The following ADRA1B variants were observed in gnomAD, a reference collection of about 807,000 sequenced individuals.
The protein encoded by ADRA1B is adrenoceptor alpha 1B, also known as alpha-1B adrenergic receptor.
In ADRA1B, 17 loss-of-function variants were observed where a neutral mutation model predicts 17.9. That is an observed-to-expected ratio of 0.95 (90% CI 0.65 to 1.42). The LOEUF is 1.42. Among genes scored for constraint, ADRA1B ranks in the 40% most tolerant of loss-of-function variants. The pLI is 0.00. For missense variants in ADRA1B, 681 were observed against 722.1 expected (o/e 0.94, Z 0.65); for synonymous variants, 366 against 327.6 (o/e 1.12, Z -1.27).
intron 1 of ADRA1B, among the ~76,000 whole-genome samples, chr5:159,944,672 T>C (rs1395866729): frequency 6.6e-6 from 1 of 151,972 alleles, no homozygotes; most frequent in Non-Finnish European, 1.5e-5. Context: ...GCCTCATATA[T>C]GTTACCTCCT....
chr5:159,976,418 G>T (rs1755975000), downstream of ADRA1B, among the ~76,000 whole-genome samples: 1 of 152,092 alleles, frequency 6.6e-6, no homozygotes, highest in African/African-American at 2.4e-5. Flanking sequence ...ACTTCGGGAG[G>T]CTGGGTGGAT....
At chr5:159,987,753 T>A in the ADRA1B span, among the ~76,000 whole-genome samples, 5 of 152,168 alleles carry the variant, frequency 3.3e-5, no homozygotes, top group African/African-American at 9.7e-5. Context: ...CTATAAACAA[T>A]GTAATATTTT....
intron 1 of ADRA1B, among the ~76,000 whole-genome samples, chr5:159,923,311 A>T (rs1297989569): frequency 4.6e-5 from 7 of 152,268 alleles, no homozygotes; most frequent in Non-Finnish European, 7.3e-5. Context: ...TTTAAAAGTG[A>T]CTGCAGCCAC....
At chr5:159,929,937 G>A (rs1387848089) in intron 1 of ADRA1B, among the ~76,000 whole-genome samples, 1 of 152,130 alleles carries the variant, frequency 6.6e-6, no homozygotes, top group East Asian at 1.9e-4. Context: ...TGCAGAATGT[G>A]TGTGTTTTCA....
chr5:159,931,464 C>T (rs1754803118), intron 1 of ADRA1B, among the ~76,000 whole-genome samples: 1 of 151,730 alleles, frequency 6.6e-6, no homozygotes. Flanking sequence ...CTCATTCCCC[C>T]AGTTCAAAAT....
At chr5:159,881,735 T>C (rs1228740472) in intron 1 of ADRA1B, among the ~76,000 whole-genome samples, 1 of 152,118 alleles carries the variant, frequency 6.6e-6, no homozygotes, top group African/African-American at 2.4e-5. Context: ...AATGCTGACA[T>C]CTCTTGTACA....
chr5:159,893,694 A>C (rs1754010622), intron 1 of ADRA1B, among the ~76,000 whole-genome samples: 1 of 152,204 alleles, frequency 6.6e-6, no homozygotes, highest in African/African-American at 2.4e-5. Context: ...TTATGCCAAA[A>C]GGAGCAGAGA....
intron 1 of ADRA1B, among the ~76,000 whole-genome samples, chr5:159,871,991 G>A (rs1753747741): frequency 1.3e-5 from 2 of 152,130 alleles, no homozygotes; most frequent in African/African-American, 4.8e-5. Context: ...GAGGGATCCT[G>A]CAGGACAATA....
At chr5:159,894,914 A>T (rs1754025630) in intron 1 of ADRA1B, among the ~76,000 whole-genome samples, 1 of 152,208 alleles carries the variant, frequency 6.6e-6, no homozygotes, top group East Asian at 1.9e-4. Context: ...AGCATCAGAC[A>T]AGCACCATCA....
chr5:159,900,512 A>G (rs1348835629), intron 1 of ADRA1B, among the ~76,000 whole-genome samples: 2 of 152,194 alleles, frequency 1.3e-5, no homozygotes, highest in Admixed American at 6.5e-5. Context: ...TTTATATTTT[A>G]CAGCAAATTC....
chr5:159,897,390 G>A (rs2113113369), intron 1 of ADRA1B, among the ~76,000 whole-genome samples: 1 of 152,228 alleles, frequency 6.6e-6, no homozygotes, highest in African/African-American at 2.4e-5. Context: ...GGAGGCTGAG[G>A]CGGGAGAATC....
upstream of ADRA1B, among the ~76,000 whole-genome samples, chr5:159,915,130 C>T (rs558397682): frequency 3.9e-5 from 6 of 152,342 alleles, no homozygotes; most frequent in East Asian, 5.8e-4. Context: ...ACTCAAAAGG[C>T]AGCTCCATCT....
intron 1 of ADRA1B, among the ~76,000 whole-genome samples, chr5:159,928,464 G>T (rs1207610230): frequency 1.3e-5 from 2 of 152,168 alleles, no homozygotes; most frequent in Admixed American, 6.5e-5. Flanking sequence ...TGCTATAAAA[G>T]TTGCACCAAC....
At position 159,969,332 on chromosome 5, in the gene ADRA1B, A is replaced by T. The variant is rs1476126050; in HGVS notation, c.950-2547A>T. Among the ~76,000 whole-genome samples, 3 of 152,354 alleles carry T rather than the reference A, an allele frequency of 2.0e-5. No homozygotes were observed. The South Asian group carries it at 6.2e-4, about 32-fold the overall frequency. ...GCCCCCCAGCAGCCACTACTGAGTT[A>T]CTGGGCAGAGAATTAGGAGTCAGGC... On this transcript the variant is annotated intron_variant, in intron 1 of 1. Coordinates refer to ENST00000306675, the MANE Select transcript of ADRA1B (RefSeq NM_000679.4).
chr5:159,976,174 T>C (rs1755971664), downstream of ADRA1B, among the ~76,000 whole-genome samples: 1 of 152,194 alleles, frequency 6.6e-6, no homozygotes, highest in Admixed American at 6.5e-5. Flanking sequence ...GCCAGGCACT[T>C]GGTGAGCATC....
intron 1 of ADRA1B, among the ~76,000 whole-genome samples, chr5:159,941,021 G>A (rs535021285): frequency 6.6e-6 from 1 of 152,302 alleles, no homozygotes; most frequent in South Asian, 2.1e-4. Flanking sequence ...CTAACTTGGA[G>A]TTGCAAGGTG....
intron 1 of ADRA1B, among the ~76,000 whole-genome samples, chr5:159,928,357 T>G (rs775104196): frequency 6.6e-6 from 1 of 152,024 alleles, no homozygotes; most frequent in Non-Finnish European, 1.5e-5. Flanking sequence ...CTCTTACGAC[T>G]CTATTGACAG....
downstream of ADRA1B, among the ~76,000 whole-genome samples, chr5:159,975,062 G>A (rs555983721): frequency 6.6e-6 from 1 of 152,248 alleles, no homozygotes; most frequent in African/African-American, 2.4e-5. Context: ...GAGAAAAGGG[G>A]GCCCTAGGAA....
intron 1 of ADRA1B, chr5:159,955,217 C>T: frequency 1.0e-6 from 1 of 985,066 alleles, no homozygotes; most frequent in Non-Finnish European, 1.2e-6. Flanking sequence ...GTCCTGAGGG[C>T]TGCGGGTGTC....
Sources: allele counts gnomAD v4.1 joint callset (sites outside exome capture counted in the v4.1 genomes callset), GRCh38; gene constraint gnomAD v4.1.1; transcripts MANE v1.5; gene names NCBI Gene and HGNC (gene_info 2026-07-23, HGNC 2026-07-21).